The following GPC5 variants were observed in gnomAD, a reference collection of about 807,000 sequenced individuals.
GPC5 encodes the protein glypican 5, also known as glypican-5.
In GPC5, 47 loss-of-function variants were observed where a neutral mutation model predicts 53.9. That is an observed-to-expected ratio of 0.87 (90% CI 0.69 to 1.11). The LOEUF is 1.11. GPC5 is among the 50% of genes most tolerant of loss of function. The pLI, the probability that GPC5 is intolerant of heterozygous loss-of-function variation, is 0.00. For synonymous variants in GPC5, 286 were observed against 263.3 expected (o/e 1.09, Z -0.84); for missense variants, 748 against 713.1 (o/e 1.05, Z -0.56).
intron 7 of GPC5, among the ~76,000 whole-genome samples, chr13:92,860,789 T>C (rs769166475): frequency 6.4e-4 from 97 of 152,162 alleles, no homozygotes; most frequent in Non-Finnish European, 1.3e-3. Context: ...AAAATTCTAA[T>C]TCACATCTAA....
rs923457528 is a variant in GPC5 at position 92,365,004 on chromosome 13, C to T, written c.1561+220015C>T. Among the ~76,000 whole-genome samples the T allele has an allele frequency of 5.9e-5, 9 of 151,646 alleles. 1 individual carries two copies. The highest frequency in any genetic ancestry group is 2.0e-4 in the African/African-American group (8 of 40,952). On this transcript the variant is annotated intron_variant, in intron 7 of 7. Transcript: ENST00000377067. ...TTTTCCTCTGTCATAGGGAGTATAT[C>T]CCCATGTGAATAATGACACAAATTA... is the stretch of plus-strand genomic sequence containing the variant.
intron 7 of GPC5, among the ~76,000 whole-genome samples, chr13:92,787,673 A>AAAAAAAAG (rs1876293065): frequency 6.7e-6 from 1 of 149,480 alleles, no homozygotes; most frequent in South Asian, 2.1e-4. Context: ...GCTACAAAAA[A>AAAAAAAAG]AAAAAAAAAA....
At chr13:92,093,884 T>G (rs1420292800) in intron 6 of GPC5, among the ~76,000 whole-genome samples, 1 of 152,194 alleles carries the variant, frequency 6.6e-6, no homozygotes, top group Admixed American at 6.5e-5. Context: ...GGCCATCAAT[T>G]GGTTAGAAAG....
chr13:91,695,590 T>C (rs1442031319), intron 3 of GPC5, among the ~76,000 whole-genome samples: 1 of 152,056 alleles, frequency 6.6e-6, no homozygotes, highest in East Asian at 1.9e-4. Context: ...TTAGCCAGGA[T>C]GGTCTCGTTC....
chr13:92,161,249 T>G (rs1299532751), intron 7 of GPC5, among the ~76,000 whole-genome samples: 1 of 152,124 alleles, frequency 6.6e-6, no homozygotes, highest in Non-Finnish European at 1.5e-5. Flanking sequence ...GAATCAACAT[T>G]TCCAGTGGTA....
chr13:92,017,345 T>C (rs1459565435), intron 6 of GPC5, among the ~76,000 whole-genome samples: 1 of 152,290 alleles, frequency 6.6e-6, no homozygotes, highest in East Asian at 1.9e-4. Context: ...TGGCTCTTTT[T>C]TTCTGCCTGT....
At chr13:91,536,426 A>T (rs1886595292) in intron 2 of GPC5, among the ~76,000 whole-genome samples, 1 of 152,210 alleles carries the variant, frequency 6.6e-6, no homozygotes, top group Non-Finnish European at 1.5e-5. Context: ...GAACAGATCT[A>T]GTCTCTTAAA....
chr13:91,653,604 A>T (rs1053676160), intron 2 of GPC5, among the ~76,000 whole-genome samples: 7 of 152,128 alleles, frequency 4.6e-5, no homozygotes, highest in Non-Finnish European at 5.9e-5. Context: ...ACAAAACAAA[A>T]ACAAAAAAAC....
At chr13:91,761,609 A>G (rs1371267485) in intron 5 of GPC5, among the ~76,000 whole-genome samples, 1 of 152,168 alleles carries the variant, frequency 6.6e-6, no homozygotes, top group East Asian at 1.9e-4. Flanking sequence ...AATTCAGAGA[A>G]ACACTTATGT....
rs114428231 is a variant in GPC5 at position 92,623,521 on chromosome 13, T to G, written c.1562-242761T>G. On this transcript the variant is annotated intron_variant, in intron 7 of 7. Transcript: ENST00000377067. ...AAGTGATTTTTAGATAACAAGTAATTCTTACATTATTAAAATGAGAGAAAA... is the reference window on the plus strand; with the variant it reads ...AAGTGATTTTTAGATAACAAGTAATGCTTACATTATTAAAATGAGAGAAAA... 4.6e-3 allele frequency among the ~76,000 whole-genome samples: 701 copies of G among 152,296 alleles called. 5 individuals carry two copies. Among genetic ancestry groups the G allele is most frequent in the African/African-American group, 0.016 (673 of 41,550 alleles).
In GPC5 at chr13:92,422,516, A is replaced by C. The variant is rs1367692722; in HGVS notation, c.1561+277527A>C. Among the ~76,000 whole-genome samples, 24 of 149,350 alleles carry C rather than the reference A, an allele frequency of 1.6e-4. 1 individual carries two copies. In the East Asian group the frequency reaches 2.3e-3, roughly 15 times the overall value. The stretch of plus-strand genomic sequence containing the variant: ...CACACACACACACACACACACACAC[A>C]CACACACACACACACAACTTCTTGG... On this transcript the variant is annotated intron_variant, in intron 7 of 7. Transcript: ENST00000377067.
chr13:92,467,961 G>C (rs1381100279), intron 7 of GPC5, among the ~76,000 whole-genome samples: 1 of 152,052 alleles, frequency 6.6e-6, no homozygotes, highest in Non-Finnish European at 1.5e-5. Flanking sequence ...GAAGAAACAA[G>C]TTCCTGGACC....
At chr13:92,826,379 A>G (rs1172810157) in intron 7 of GPC5, among the ~76,000 whole-genome samples, 2 of 152,138 alleles carry the variant, frequency 1.3e-5, no homozygotes, top group Non-Finnish European at 2.9e-5. Context: ...AATTCTGCCA[A>G]CAACGACATA....
chr13:92,832,368 C>T (rs185290348), intron 7 of GPC5, among the ~76,000 whole-genome samples: 81 of 152,272 alleles, frequency 5.3e-4, no homozygotes, highest in Non-Finnish European at 7.5e-4. Flanking sequence ...AACTAGAACA[C>T]AAATTCTACA....
intron 7 of GPC5, among the ~76,000 whole-genome samples, chr13:92,505,787 G>A (rs777976274): frequency 1.3e-5 from 2 of 152,096 alleles, no homozygotes; most frequent in Non-Finnish European, 2.9e-5. Context: ...TAAAATGTGT[G>A]CATTATTTTG....
At chr13:92,269,794 G>T (rs1036065644) in intron 7 of GPC5, among the ~76,000 whole-genome samples, 5 of 152,164 alleles carry the variant, frequency 3.3e-5, no homozygotes, top group Admixed American at 2.6e-4. Flanking sequence ...CAAAGCTAGA[G>T]CAGGATTTTG....
Position 91,572,101 on chromosome 13 carries a change from A to G in GPC5, c.326-121086A>G, listed in dbSNP as rs796457270. Among the ~76,000 whole-genome samples the G allele has an allele frequency of 2.4e-4, 32 of 130,684 alleles. 1 individual carries two copies. The highest frequency in any genetic ancestry group is 1.1e-3 in the Admixed American group (15 of 13,278). 85.7% of individuals were successfully genotyped at this position (130,684 alleles called of 152,430 possible). On this transcript the variant is annotated intron_variant, in intron 2 of 7. Transcript: ENST00000377067. ...CATATGTATATGTACATGTGTGTGT[A>G]TATACACACATGTATATATACGTGT...
intron 6 of GPC5, among the ~76,000 whole-genome samples, chr13:92,103,019 G>C (rs1000879415): frequency 6.6e-6 from 1 of 152,134 alleles, no homozygotes; most frequent in Non-Finnish European, 1.5e-5. Flanking sequence ...ACCACACCTG[G>C]CTGTTTTTTC....
intron 2 of GPC5, among the ~76,000 whole-genome samples, chr13:91,498,174 C>T (rs901347389): frequency 6.7e-6 from 1 of 149,292 alleles, no homozygotes. Flanking sequence ...TTTGTCTTGG[C>T]TGTTTGCTTT....
Sources: allele counts gnomAD v4.1 joint callset (sites outside exome capture counted in the v4.1 genomes callset), GRCh38; gene constraint gnomAD v4.1.1; transcripts MANE v1.5; gene names NCBI Gene and HGNC (gene_info 2026-07-23, HGNC 2026-07-21).